The following CDK12 variants were observed in gnomAD, a reference collection of about 807,000 sequenced individuals.
CDK12 encodes the protein cyclin-dependent kinase 12.
A neutral mutation model predicts 133.8 loss-of-function variants in CDK12; 17 were observed. That is an observed-to-expected ratio of 0.13 (90% CI 0.09 to 0.19). CDK12 has a LOEUF of 0.19. Among genes scored for constraint, CDK12 ranks in the 10% least tolerant of loss-of-function variants. The probability of loss-of-function intolerance (pLI) is 1.00; values close to 1 mark genes in which losing one functional copy is unlikely to be tolerated. For synonymous variants in CDK12, 694 were observed against 683.6 expected, an observed-to-expected ratio of 1.02 and a Z score of -0.24; for missense variants, 1,508 against 1,818.7, an observed-to-expected ratio of 0.83 and a Z score of 3.11.
chr17:39,463,486 G>A (rs542441290), intron 1 of CDK12, among the ~76,000 whole-genome samples: 1 of 152,232 alleles, frequency 6.6e-6, no homozygotes, highest in Non-Finnish European at 1.5e-5. Flanking sequence ...TGGTATTTGT[G>A]CTTTAGACTC....
chr17:39,532,114 C>CTATCTCTCTCTA lies in CDK12; in HGVS notation c.*799_*800insATCTCTCTCTAT. ...TCTCTCTCTCTCTTTCTCTCTCTCTCTCTCTCTCTCTCTCTCTCTCTCTCT... is the reference window on the plus strand; with the variant it reads ...TCTCTCTCTCTCTTTCTCTCTCTCTCTATCTCTCTCTATCTCTCTCTCTCTCTCTCTCTCTCT... On this transcript the variant is annotated 3_prime_UTR_variant, in exon 14 of 14. Coordinates refer to ENST00000447079, the MANE Select transcript of CDK12 (RefSeq NM_016507.4). 5.0e-6 allele frequency: 1 copy of CTATCTCTCTCTA among 200,752 alleles called. No homozygotes were observed. The highest frequency in any genetic ancestry group is 1.0e-5 in the Non-Finnish European group (1 of 98,028). 12.4% of individuals were successfully genotyped at this position (200,752 alleles called of 1,614,324 possible). A position where few individuals can be genotyped will look rare whatever the true frequency, so the allele number is the denominator to read the frequency against.
In CDK12 at chr17:39,533,475, T is replaced by C. The variant is rs576241880; in HGVS notation, c.*2159T>C. On this transcript the variant is annotated 3_prime_UTR_variant, in exon 14 of 14. Coordinates refer to ENST00000447079, the MANE Select transcript of CDK12 (RefSeq NM_016507.4). ...TAAAGAACGTGAGCCTGGGATACTT[T>C]CAGAAGTATCTGTTCAATGAAAAAA... The C allele has an allele frequency of 4.7e-5, 11 of 233,226 alleles. No homozygotes were observed. The highest frequency in any genetic ancestry group is 8.5e-5 in the Non-Finnish European group (10 of 117,958). 14.4% of individuals were successfully genotyped at this position (233,226 alleles called of 1,614,324 possible). A position where few individuals can be genotyped will look rare whatever the true frequency, so the allele number is the denominator to read the frequency against.
chr17:39,553,382 C>T (rs1359814654), intron 2 of CDK12, among the ~76,000 whole-genome samples: 3 of 151,684 alleles, frequency 2.0e-5, no homozygotes, highest in Non-Finnish European at 2.9e-5. Context: ...TGTCCATCAG[C>T]ACCCAAGGAG....
intron 13 of CDK12, among the ~76,000 whole-genome samples, chr17:39,527,890 T>C (rs1265344471): frequency 6.6e-6 from 1 of 151,870 alleles, no homozygotes; most frequent in African/African-American, 2.4e-5. Context: ...TACATCCTTA[T>C]TGTTGTCAAT....
At position 39,471,731 on chromosome 17, in the gene CDK12, A is replaced by G. The variant is rs757794235; in HGVS notation, c.1899A>G (p.Pro633=). ...CAACGTTGCCTCCTTTGCCCCTCCC[A>G]CCCTTATTACCTGGAGATGATGACA... is the stretch of plus-strand genomic sequence containing the variant. The part of the protein sequence containing the change: ...KTSTLPPLPL[P]PLLPGDDDMD... Residue 633 remains proline (P), a synonymous_variant, in exon 2 of 14, where the codon CCA becomes CCG. Transcript: ENST00000447079. The G allele has an allele frequency of 6.2e-7, 1 of 1,612,862 alleles. No individual in the cohort carries two copies. Among genetic ancestry groups the G allele is most frequent in the Non-Finnish European group, 8.5e-7 (1 of 1,179,436 alleles).
intron 2 of CDK12, chr17:39,551,202 A>G (rs1042056960): frequency 6.6e-6 from 1 of 152,154 alleles, no homozygotes; most frequent in African/African-American, 2.4e-5. Context: ...ATTATTCTCC[A>G]TTGCTTGAAG....
chr17:39,517,808 T>C lies in CDK12; in HGVS notation c.2963+252T>C, dbSNP rs8068497. Among the ~76,000 whole-genome samples, 15,851 of 152,196 alleles carry C rather than the reference T, an allele frequency of 0.1. 893 individuals are homozygous for C. Among genetic ancestry groups the C allele is most frequent in the African/African-American group, 0.15 (6,318 of 41,516 alleles). ...ATTTTCTCATAGCCTTCTTGATCTT[T>C]CCATGAGAAAAAGAGAATGGAATTG... On this transcript the variant is annotated intron_variant, in intron 10 of 13. Coordinates refer to ENST00000447079, the MANE Select transcript of CDK12 (RefSeq NM_016507.4).
rs376668823 is a variant in CDK12, at chr17:39,471,219, G to A, written c.1387G>A (p.Val463Met). Residue 463 changes from valine (V) to methionine (M), a missense_variant, in exon 2 of 14, where the codon GTG becomes ATG. Val to Met is a conservative substitution (Grantham distance 21). Around this residue, in one of 9 missense-constraint regions of CDK12, gnomAD observed 347 missense variants for 330.8 expected, o/e 1.05. Transcript: ENST00000447079. Reference protein sequence around the residue: ...LEKSAPDTELVNVTHLNTEVK... With the variant: ...LEKSAPDTELMNVTHLNTEVK... Reference sequence around the variant, plus strand: ...AAAATCTGCCCCAGATACTGAACTGGTGAATGTAACACATCTAAACACAGA... The same window carrying A: ...AAAATCTGCCCCAGATACTGAACTGATGAATGTAACACATCTAAACACAGA... 2.6e-5 allele frequency: 41 copies of A among 1,598,316 alleles called. No homozygotes were observed. In the African/African-American group the frequency reaches 5.0e-4, roughly 20 times the overall value.
At chr17:39,546,461 G>C (rs1328863874), upstream of CDK12, among the ~76,000 whole-genome samples, 2 of 152,220 alleles carry the variant, frequency 1.3e-5, no homozygotes, top group African/African-American at 2.4e-5. Flanking sequence ...TGGGATTACA[G>C]GTGTGAGCCA....
At chr17:39,522,115 A>G (rs1428714088) in intron 11 of CDK12, among the ~76,000 whole-genome samples, 3 of 149,880 alleles carry the variant, frequency 2.0e-5, no homozygotes, top group East Asian at 4.0e-4. Context: ...TTTTTTTGTT[A>G]TTATTTTTTT....
chr17:39,501,344 G>C lies in CDK12; in HGVS notation c.2514G>C (p.Ser838=). 2 of 1,613,464 alleles carry C rather than the reference G, an allele frequency of 1.2e-6. No individual in the cohort carries two copies. The highest frequency in any genetic ancestry group is 4.5e-5 in the East Asian group (2 of 44,846). The change falls in exon 6 of 14, where the codon TCG becomes TCC. Residue 838 remains serine (S), a synonymous_variant. Transcript: ENST00000447079. ...ACTTTTCTGAGGACCATATCAAGTC[G>C]TTCATGAAACAGCTAATGGAAGGAT... is the stretch of plus-strand genomic sequence containing the variant. The part of the protein sequence containing the change: ...LVHFSEDHIK[S]FMKQLMEGLE...
Position 39,471,378 on chromosome 17 carries a change from A to G in CDK12, c.1546A>G (p.Lys516Glu), listed in dbSNP as rs1174233010. 6.2e-7 allele frequency: 1 copy of G among 1,614,082 alleles called. No homozygotes were observed. The highest frequency in any genetic ancestry group is 1.7e-5 in the Admixed American group (1 of 59,976). Residue 516 changes from lysine (K) to glutamate (E), a missense_variant, in exon 2 of 14, where the codon AAG becomes GAG. By Grantham distance (56) the Lys-to-Glu change is moderately conservative. Transcript: ENST00000447079. ...ACTGAAAGAGGAGATTGTTACTCCA[A>G]AGGAGACAGAAACATCAGAAAAGGA... is the stretch of plus-strand genomic sequence containing the variant. ...IALKEEIVTP[K>E]ETETSEKETP...
intron 1 of CDK12, among the ~76,000 whole-genome samples, chr17:39,540,261 G>C (rs955687192): frequency 2.0e-5 from 3 of 152,218 alleles, no homozygotes; most frequent in Non-Finnish European, 4.4e-5. Flanking sequence ...GCTGTTGGTG[G>C]TGATGAAAGC....
Position 39,463,169 on chromosome 17 carries a change from T to C in CDK12, c.1046+52T>C, listed in dbSNP as rs747181027. The C allele has an allele frequency of 4.6e-6, 7 of 1,507,018 alleles. No individual in the cohort carries two copies. In the South Asian group the frequency reaches 5.9e-5, roughly 13 times the overall value. 93.4% of individuals were successfully genotyped at this position (1,507,018 alleles called of 1,614,324 possible). On this transcript the variant is annotated intron_variant, in intron 1 of 13. Coordinates refer to ENST00000447079, the MANE Select transcript of CDK12 (RefSeq NM_016507.4). The stretch of plus-strand genomic sequence containing the variant: ...CTCATTTAGGGTGGGTTGCGAGGAA[T>C]TGGCATTCAGCGTGTTAACATTGTC...
intron 2 of CDK12, among the ~76,000 whole-genome samples, chr17:39,475,547 A>ATTTTT (rs1039865528): frequency 1.4e-5 from 2 of 139,816 alleles, no homozygotes; most frequent in Non-Finnish European, 3.1e-5. Context: ...AGAACCTGAA[A>ATTTTT]TTTTTTTTTT....
rs1198336356 is a variant in CDK12, at chr17:39,532,295, C to G, written c.*979C>G. 4.3e-6 allele frequency: 1 copy of G among 233,128 alleles called. No individual in the cohort carries two copies. The highest frequency in any genetic ancestry group is 8.5e-6 in the Non-Finnish European group (1 of 117,994). The allele number at this position is 233,128 out of a possible 1,614,324, so 14.4% of individuals were successfully genotyped here. The stretch of plus-strand genomic sequence containing the variant: ...TCTTACATTGTTCTCTGTAACTCTT[C>G]AATTCTAAAATGTTTTGTTTTTTAA... On this transcript the variant is annotated 3_prime_UTR_variant, in exon 14 of 14. Coordinates refer to ENST00000447079, the MANE Select transcript of CDK12 (RefSeq NM_016507.4).
At chr17:39,465,762 A>G (rs922130887) in intron 1 of CDK12, among the ~76,000 whole-genome samples, 1 of 152,134 alleles carries the variant, frequency 6.6e-6, no homozygotes, top group Non-Finnish European at 1.5e-5. Flanking sequence ...AAGTGCTGGG[A>G]TTACAGGCGT....
At chr17:39,549,074 C>CG (rs2055844484), upstream of CDK12, 1 of 152,346 alleles carries the variant, frequency 6.6e-6, no homozygotes, top group African/African-American at 2.4e-5. Context: ...GGAGGCCAGA[C>CG]GGGGGCCCTG....
chr17:39,520,616 C>G (rs2054103184), intron 11 of CDK12, among the ~76,000 whole-genome samples: 1 of 152,040 alleles, frequency 6.6e-6, no homozygotes, highest in Non-Finnish European at 1.5e-5. Context: ...GTCTCGAACT[C>G]CTGACCTCAG....
Sources: allele counts gnomAD v4.1 joint callset (sites outside exome capture counted in the v4.1 genomes callset), GRCh38; gene constraint gnomAD v4.1.1; regional missense constraint gnomAD v4.1.1; transcripts MANE v1.5; gene names NCBI Gene and HGNC (gene_info 2026-07-23, HGNC 2026-07-21).